The following AK3 variants were observed in gnomAD, a reference collection of about 807,000 sequenced individuals.
The protein encoded by AK3 is GTP:AMP phosphotransferase AK3, mitochondrial.
AK3 carries 27 observed loss-of-function variants against 23.7 expected under a neutral mutation model. The ratio of observed to expected loss-of-function variants is 1.14; its 90% CI spans 0.84 to 1.57. AK3 has a LOEUF of 1.57. Among genes scored for constraint, AK3 ranks in the 40% most tolerant of loss-of-function variants. The pLI is 0.00. For missense variants in AK3, 406 were observed against 285.6 expected (o/e 1.42, Z -3.04); for synonymous variants, 159 against 116.0 (o/e 1.37, Z -2.38).
chr9:4,737,594 G>C (rs546550040), intron 1 of AK3, among the ~76,000 whole-genome samples: 21 of 152,130 alleles, frequency 1.4e-4, no homozygotes, highest in Non-Finnish European at 2.2e-4. Flanking sequence ...CAAGCCTGTA[G>C]TCCCAGCTAC....
chr9:4,734,183 G>T (rs1271538713), intron 1 of AK3, among the ~76,000 whole-genome samples: 1 of 152,178 alleles, frequency 6.6e-6, no homozygotes. Flanking sequence ...CATCAGGGTT[G>T]CCTGCTTACA....
At chr9:4,720,651 T>C (rs942067024) in intron 2 of AK3, among the ~76,000 whole-genome samples, 11 of 149,128 alleles carry the variant, frequency 7.4e-5, no homozygotes, top group East Asian at 5.9e-4. Flanking sequence ...GATGACTCCA[T>C]TGCACTGCAG....
intron 1 of AK3, among the ~76,000 whole-genome samples, chr9:4,732,868 CTCTTTTT>C (rs1034884332): frequency 8.1e-5 from 9 of 111,602 alleles, no homozygotes; most frequent in Non-Finnish European, 1.4e-4. Flanking sequence ...CTCTCTCTCT[CTCTTTTT>C]TTTTTTTTTT....
intron 4 of AK3, among the ~76,000 whole-genome samples, chr9:4,717,156 T>G (rs1476753701): frequency 1.3e-5 from 2 of 152,164 alleles, no homozygotes; most frequent in Non-Finnish European, 2.9e-5. Flanking sequence ...AAGGTGAAGA[T>G]GGTGAGCTGG....
At chr9:4,733,840 C>T (rs994314516) in intron 1 of AK3, among the ~76,000 whole-genome samples, 1 of 152,146 alleles carries the variant, frequency 6.6e-6, no homozygotes, top group Non-Finnish European at 1.5e-5. Flanking sequence ...ACTCAAGCCG[C>T]ATGGTAAGCT....
intron 1 of AK3, among the ~76,000 whole-genome samples, chr9:4,726,993 T>C (rs1842035878): frequency 6.6e-6 from 1 of 152,136 alleles, no homozygotes; most frequent in Admixed American, 6.6e-5. Flanking sequence ...GCATTGTCAA[T>C]GAGCAGTAAT....
rs1841845000 is a variant in AK3 at position 4,719,828 on chromosome 9, G to A, written c.272-521C>T. ...CACCTGTAATCCCAGCATTTTGGGA[G>A]GCTGAGGAGGGCGGATCACCTGAGC... On this transcript the variant is annotated intron_variant, in intron 2 of 4. Coordinates refer to ENST00000381809, the MANE Select transcript of AK3 (RefSeq NM_016282.4). Among the ~76,000 whole-genome samples, 3 of 152,186 alleles carry A rather than the reference G, an allele frequency of 2.0e-5. No individual in the cohort carries two copies. The South Asian group carries it at 6.2e-4, about 31-fold the overall frequency.
At chr9:4,741,743 C>G (rs1461588378), upstream of AK3, 2 of 152,482 alleles carry the variant, frequency 1.3e-5, no homozygotes, top group Admixed American at 1.3e-4. Context: ...GGACACACCG[C>G]GACCCCTTTC....
chr9:4,727,777 C>A (rs1461311363), intron 1 of AK3, among the ~76,000 whole-genome samples: 2 of 152,184 alleles, frequency 1.3e-5, no homozygotes, highest in African/African-American at 2.4e-5. Context: ...TTTCAGCATG[C>A]CTTCCTCACT....
At chr9:4,736,400 G>C (rs940945165) in intron 1 of AK3, among the ~76,000 whole-genome samples, 6 of 148,808 alleles carry the variant, frequency 4.0e-5, no homozygotes, top group African/African-American at 1.2e-4. Context: ...AAATATCTTG[G>C]AAGAATCTTT....
At chr9:4,719,734 C>T (rs909543969) in intron 2 of AK3, among the ~76,000 whole-genome samples, 8 of 152,118 alleles carry the variant, frequency 5.3e-5, no homozygotes, top group South Asian at 4.1e-4. Flanking sequence ...GGACTTTTCC[C>T]GCCTTTAAAC....
Position 4,722,641 on chromosome 9 carries a change from G to A in AK3, c.152-16C>T. ...ACGCCAATTTCTACAGCAAAGCGGG[G>A]AAAAAAATCAGTAAGTGCATTTGTT... On this transcript the variant is annotated splice_polypyrimidine_tract_variant and intron_variant, in intron 1 of 4. Coordinates refer to ENST00000381809, the MANE Select transcript of AK3 (RefSeq NM_016282.4). The A allele has an allele frequency of 1.9e-6, 3 of 1,613,080 alleles. No homozygotes were observed. The highest frequency in any genetic ancestry group is 2.5e-6 in the Non-Finnish European group (3 of 1,179,694).
At chr9:4,730,300 T>C (rs1842123343) in intron 1 of AK3, among the ~76,000 whole-genome samples, 1 of 152,152 alleles carries the variant, frequency 6.6e-6, no homozygotes, top group Admixed American at 6.5e-5. Flanking sequence ...CACTGAATCA[T>C]ACACTTTACA....
At chr9:4,715,222 A>C (rs1460022805) in intron 4 of AK3, among the ~76,000 whole-genome samples, 2 of 150,742 alleles carry the variant, frequency 1.3e-5, no homozygotes, top group Non-Finnish European at 3.0e-5. Flanking sequence ...GTCTCAAAAA[A>C]AAAAAAAAAA....
At chr9:4,716,033 A>G (rs1030271750) in intron 4 of AK3, among the ~76,000 whole-genome samples, 8 of 152,120 alleles carry the variant, frequency 5.3e-5, no homozygotes, top group African/African-American at 1.7e-4. Flanking sequence ...GCTGCTACAC[A>G]GGGAGGGCAC....
chr9:4,734,256 A>C, intron 1 of AK3, among the ~76,000 whole-genome samples: 1 of 152,194 alleles, frequency 6.6e-6, no homozygotes, highest in East Asian at 1.9e-4. Context: ...GAAGGGCCTC[A>C]CCAGAAACCA....
At chr9:4,733,877 A>C (rs1019722869) in intron 1 of AK3, among the ~76,000 whole-genome samples, 1 of 152,114 alleles carries the variant, frequency 6.6e-6, no homozygotes, top group Non-Finnish European at 1.5e-5. Flanking sequence ...CACACACCCT[A>C]AACGGCCCTT....
In AK3 at chr9:4,710,498, C is replaced by G. The variant is rs1474402685; in HGVS notation, c.*2478G>C. On this transcript the variant is annotated 3_prime_UTR_variant, in exon 5 of 5. Coordinates refer to ENST00000381809, the MANE Select transcript of AK3 (RefSeq NM_016282.4). ...CCTCCCAAAGTGCTGGGATTACAGG[C>G]GTGAGCCACCGCGCCCGGCCTCTCA... is the stretch of plus-strand genomic sequence containing the variant. 6.6e-6 allele frequency: 1 copy of G among 151,996 alleles called. No individual in the cohort carries two copies. The highest frequency in any genetic ancestry group is 1.5e-5 in the Non-Finnish European group (1 of 68,086). The allele number at this position is 151,996 out of a possible 1,614,324, so 9.4% of individuals were successfully genotyped here.
intron 4 of AK3, among the ~76,000 whole-genome samples, chr9:4,716,726 T>C (rs1402911507): frequency 2.0e-5 from 3 of 151,806 alleles, no homozygotes; most frequent in Non-Finnish European, 4.4e-5. Context: ...AAGCCAGGAG[T>C]TTGAGTAGCC....
Sources: gnomAD v4.1 joint callset for allele counts (sites outside exome capture counted in the v4.1 genomes callset) on GRCh38, gnomAD v4.1.1 for gene constraint, MANE v1.5 for transcripts, NCBI Gene and HGNC (gene_info 2026-07-23, HGNC 2026-07-21) for gene names.